The following GABRG3 variants were observed in gnomAD, a reference collection of about 807,000 sequenced individuals.
GABRG3 encodes the protein gamma-aminobutyric acid type A receptor subunit gamma3.
A neutral mutation model predicts 48.8 loss-of-function variants in GABRG3; 25 were observed. The ratio of observed to expected loss-of-function variants is 0.51; its 90% CI spans 0.37 to 0.72. The LOEUF (loss-of-function observed/expected upper bound fraction) is 0.72, where lower values mean the gene tolerates loss of function less well. GABRG3 is among the 30% of genes least tolerant of loss of function. GABRG3 has a pLI of 0.00. For missense variants in GABRG3, 394 were observed against 577.9 expected (o/e 0.68, Z 3.26); for synonymous variants, 227 against 217.6 (o/e 1.04, Z -0.38).
At chr15:26,978,426 C>G (rs1041538368) in intron 2 of GABRG3, among the ~76,000 whole-genome samples, 2 of 151,938 alleles carry the variant, frequency 1.3e-5, no homozygotes, top group African/African-American at 4.8e-5. Flanking sequence ...AAATTTTCTC[C>G]TTTGTGTTCT....
At chr15:26,980,407 G>C (rs1425256340) in intron 2 of GABRG3, among the ~76,000 whole-genome samples, 1 of 151,970 alleles carries the variant, frequency 6.6e-6, no homozygotes, top group Non-Finnish European at 1.5e-5. Flanking sequence ...GCCGGGTGCG[G>C]TGGCTCATGC....
intron 6 of GABRG3, among the ~76,000 whole-genome samples, chr15:27,516,073 C>A (rs1891011299): frequency 6.7e-6 from 1 of 149,838 alleles, no homozygotes; most frequent in African/African-American, 2.4e-5. Flanking sequence ...TTAATGTGGC[C>A]CACAAGATGT....
intron 5 of GABRG3, among the ~76,000 whole-genome samples, chr15:27,470,250 T>C (rs1023290861): frequency 1.3e-5 from 2 of 151,894 alleles, no homozygotes; most frequent in African/African-American, 2.4e-5. Context: ...CTCTCTTTTT[T>C]TTTTTCTTGA....
chr15:27,021,255 A>T (rs1000147790), intron 2 of GABRG3, among the ~76,000 whole-genome samples: 1 of 152,200 alleles, frequency 6.6e-6, no homozygotes, highest in Admixed American at 6.5e-5. Context: ...AGCATTTAAC[A>T]TGTAAAGTTA....
At position 27,061,492 on chromosome 15, in the gene GABRG3, C is replaced by T. The variant is rs1451076184; in HGVS notation, c.270+34671C>T. Among the ~76,000 whole-genome samples the T allele has an allele frequency of 2.0e-5, 3 of 147,942 alleles. No individual in the cohort carries two copies. In the South Asian group the frequency reaches 6.5e-4, roughly 32 times the overall value. On this transcript the variant is annotated intron_variant, in intron 3 of 9. Transcript: ENST00000615808. ...AATTAAATGTCATATTTTGCCCTTT[C>T]ACTAGAAAACAAACTGTTCAGCTGC...
At chr15:27,437,750 A>C (rs1313125806) in intron 5 of GABRG3, among the ~76,000 whole-genome samples, 1 of 152,178 alleles carries the variant, frequency 6.6e-6, no homozygotes, top group Non-Finnish European at 1.5e-5. Flanking sequence ...TTTATTTTTT[A>C]AGAAGGTTTA....
intron 3 of GABRG3, among the ~76,000 whole-genome samples, chr15:27,238,550 A>T (rs1232760849): frequency 6.6e-6 from 1 of 152,224 alleles, no homozygotes; most frequent in Non-Finnish European, 1.5e-5. Flanking sequence ...CTGTAACAGG[A>T]GGAAAATAAG....
At chr15:27,520,210 T>C (rs1891126732) in intron 7 of GABRG3, 86 bp downstream of exon 7, 2 of 1,281,198 alleles carry the variant, frequency 1.6e-6, no homozygotes, top group Non-Finnish European at 2.2e-6. Context: ...TAAAAGACTA[T>C]TTAAATGTGA....
rs75763246 is a variant in GABRG3 at position 27,466,773 on chromosome 15, T to A, written c.575-13877T>A. On this transcript the variant is annotated intron_variant, in intron 5 of 9. Coordinates refer to ENST00000615808, the MANE Select transcript of GABRG3 (RefSeq NM_033223.5). Reference sequence around the variant, plus strand: ...GAGGAAGGGACCCCAAGGGTAAGCATGGTGGCAGTGGGGCGACTGCTGCTC... The same window carrying A: ...GAGGAAGGGACCCCAAGGGTAAGCAAGGTGGCAGTGGGGCGACTGCTGCTC... Among the ~76,000 whole-genome samples the A allele has an allele frequency of 9.1e-4, 138 of 152,308 alleles. 1 individual carries two copies. In the East Asian group the frequency reaches 0.026, roughly 29 times the overall value.
intron 5 of GABRG3, among the ~76,000 whole-genome samples, chr15:27,339,635 T>C (rs74622560): frequency 6.6e-6 from 1 of 152,146 alleles, no homozygotes; most frequent in Non-Finnish European, 1.5e-5. Context: ...CGTCCCCCAA[T>C]AACTGACCTC....
chr15:27,463,859 TCTCTTCG>T (rs1234874741), intron 5 of GABRG3, among the ~76,000 whole-genome samples: 3 of 152,124 alleles, frequency 2.0e-5, no homozygotes, highest in Non-Finnish European at 4.4e-5. Context: ...CTCCAACTTC[TCTCTTCG>T]CTCTTCTCTC....
intron 5 of GABRG3, among the ~76,000 whole-genome samples, chr15:27,351,630 GTGTT>G (rs1176739160): frequency 6.7e-6 from 1 of 149,236 alleles, no homozygotes; most frequent in East Asian, 2.0e-4. Context: ...TGTATGGTAT[GTGTT>G]TGTGTGTATG....
chr15:27,273,568 T>C (rs1011035051), intron 3 of GABRG3, among the ~76,000 whole-genome samples: 4 of 152,212 alleles, frequency 2.6e-5, no homozygotes, highest in Admixed American at 6.5e-5. Flanking sequence ...AGAAGTCGTA[T>C]GAGCTATTCT....
chr15:27,240,747 A>G (rs1890106863), intron 3 of GABRG3, among the ~76,000 whole-genome samples: 1 of 152,202 alleles, frequency 6.6e-6, no homozygotes, highest in African/African-American at 2.4e-5. Context: ...GATCTGATCA[A>G]TAACTTTTCA....
chr15:27,101,179 C>T (rs1381693575), intron 3 of GABRG3, among the ~76,000 whole-genome samples: 1 of 152,046 alleles, frequency 6.6e-6, no homozygotes, highest in South Asian at 2.1e-4. Flanking sequence ...CATGTGAAAA[C>T]CAAAATTAAA....
intron 3 of GABRG3, among the ~76,000 whole-genome samples, chr15:27,212,557 C>T (rs910528186): frequency 4.6e-5 from 7 of 152,170 alleles, no homozygotes; most frequent in Non-Finnish European, 1.0e-4. Flanking sequence ...TCCTCATGCT[C>T]ATTATTTTGT....
At chr15:27,295,435 C>T (rs558038459) in intron 3 of GABRG3, among the ~76,000 whole-genome samples, 31 of 152,058 alleles carry the variant, frequency 2.0e-4, no homozygotes, top group Middle Eastern at 3.4e-3. Context: ...TAATGGCGAA[C>T]GAGGGAGATC....
chr15:26,983,218 CAAGG>C (rs1241863378), intron 2 of GABRG3, among the ~76,000 whole-genome samples: 2 of 151,322 alleles, frequency 1.3e-5, no homozygotes, highest in Admixed American at 6.6e-5. Flanking sequence ...CATCCCTTAT[CAAGG>C]TGCAGTGAAC....
At chr15:27,204,992 A>G (rs1888807294) in intron 3 of GABRG3, among the ~76,000 whole-genome samples, 1 of 151,916 alleles carries the variant, frequency 6.6e-6, no homozygotes, top group Non-Finnish European at 1.5e-5. Flanking sequence ...TGTGAAAATG[A>G]TAGTTCAACT....
Sources: gnomAD v4.1 joint callset for allele counts (sites outside exome capture counted in the v4.1 genomes callset) on GRCh38, gnomAD v4.1.1 for gene constraint, MANE v1.5 for transcripts, NCBI Gene and HGNC (gene_info 2026-07-23, HGNC 2026-07-21) for gene names.